Variants in KIAA1671 observed in about 807,000 individuals in gnomAD.
KIAA1671 encodes KIAA1671.
Under a neutral mutation model 131.2 loss-of-function variants are expected in KIAA1671, and 52 were observed. The ratio of observed to expected loss-of-function variants is 0.40; its 90% confidence interval spans 0.32 to 0.50. The LOEUF is 0.50. KIAA1671 is among the 20% of genes least tolerant of loss of function. The pLI is 0.73. For missense variants in KIAA1671, 2,360 were observed against 2,364.2 expected, an observed-to-expected ratio of 1.00 and a Z score of 0.04; for synonymous variants, 1,003 against 961.6, an observed-to-expected ratio of 1.04 and a Z score of -0.80.
chr22:25,028,133 C>A lies in KIAA1671; in HGVS notation c.134C>A (p.Ala45Asp). 6.4e-7 allele frequency: 1 copy of A among 1,551,226 alleles called. No individual in the cohort carries two copies. The highest frequency in any genetic ancestry group is 8.7e-7 in the Non-Finnish European group (1 of 1,146,752). ...QAGEASGAPP[A>D]RILEAKSPLR... ...GGCGAAGCCTCTGGGGCTCCCCCAG[C>A]CCGGATCTTGGAAGCGAAGAGCCCC... Residue 45 changes from alanine (A) to aspartate (D), a missense_variant, in exon 3 of 13, where the codon GCC becomes GAC. By Grantham distance (126) the Ala-to-Asp change is moderately radical (BLOSUM62 -2). Coordinates refer to ENST00000358431, the MANE Select transcript of KIAA1671 (RefSeq NM_001145206.2).
rs1324671566 is a variant in KIAA1671, at chr22:25,150,836, C to CTTTTTTTTTTTTTTTTT, written c.4531-19970_4531-19969insTTTTTTTTTTTTTTTTT. 1.0e-3 allele frequency among the ~76,000 whole-genome samples: 127 copies of CTTTTTTTTTTTTTTTTT among 125,910 alleles called. 5 individuals carry two copies. Among genetic ancestry groups the CTTTTTTTTTTTTTTTTT allele is most frequent in the South Asian group, 1.5e-3 (5 of 3,390 alleles). 82.6% of individuals were successfully genotyped at this position (125,910 alleles called of 152,430 possible). A position where few individuals can be genotyped will look rare whatever the true frequency, so the allele number is the denominator to read the frequency against. Reference sequence around the variant, plus strand: ...TTATGACTGTGTTCTGGGTCCTTTGCTTTTTTTTTTTTTTGAGATGGAGTC... The same window carrying CTTTTTTTTTTTTTTTTT: ...TTATGACTGTGTTCTGGGTCCTTTGCTTTTTTTTTTTTTTTTTTTTTTTTTTTTTTTGAGATGGAGTC... On this transcript the variant is annotated intron_variant, in intron 6 of 12. Coordinates refer to ENST00000358431, the MANE Select transcript of KIAA1671 (RefSeq NM_001145206.2).
chr22:25,098,259 G>C (rs5760849), intron 6 of KIAA1671, among the ~76,000 whole-genome samples: 2 of 152,138 alleles, frequency 1.3e-5, no homozygotes, highest in Non-Finnish European at 2.9e-5. Flanking sequence ...GGGCAGGGAA[G>C]AGAAGGCAAA....
At chr22:25,024,000 A>C (rs1258171750) in intron 1 of KIAA1671, 2 of 152,178 alleles carry the variant, frequency 1.3e-5, no homozygotes, top group South Asian at 2.1e-4. Context: ...TTGATTTATT[A>C]ATTCATTCAT....
At chr22:24,972,387 A>G (rs1469655723) in intron 1 of KIAA1671, among the ~76,000 whole-genome samples, 1 of 152,080 alleles carries the variant, frequency 6.6e-6, no homozygotes. Context: ...GCTGCTTTCC[A>G]TCCATTCTTC....
chr22:25,029,429 T>C lies in KIAA1671; in HGVS notation c.1430T>C (p.Val477Ala). Residue 477 changes from valine to alanine, a missense_variant, in exon 3 of 13, where the codon GTG becomes GCG. Physicochemically the swap from Val to Ala is moderately conservative, Grantham distance 64. Coordinates refer to ENST00000358431, the MANE Select transcript of KIAA1671 (RefSeq NM_001145206.2). ...GCACCAGAGCCGGAGAAAGGGGTTG[T>C]GAGCGTTCAGGAACGGATCAGAGGC... is the stretch of plus-strand genomic sequence containing the variant. ...SAAPEPEKGV[V>A]SVQERIRGWT... The C allele has an allele frequency of 1.9e-6, 3 of 1,551,438 alleles. No individual in the cohort carries two copies. Among genetic ancestry groups the C allele is most frequent in the East Asian group, 2.4e-5 (1 of 40,918 alleles).
intron 1 of KIAA1671, chr22:25,023,960 CA>C (rs1925805483): frequency 1.4e-4 from 21 of 151,818 alleles, no homozygotes; most frequent in African/African-American, 5.1e-4. Flanking sequence ...AAAAAAATCC[CA>C]AAAAACTCCT....
intron 1 of KIAA1671, among the ~76,000 whole-genome samples, chr22:25,002,702 C>T (rs1354958006): frequency 6.6e-6 from 1 of 152,116 alleles, no homozygotes; most frequent in African/African-American, 2.4e-5. Flanking sequence ...GCTGCTGAAC[C>T]CTCCCTGAGA....
At chr22:25,115,616 A>G (rs951672773) in intron 6 of KIAA1671, among the ~76,000 whole-genome samples, 1 of 152,092 alleles carries the variant, frequency 6.6e-6, no homozygotes, top group Non-Finnish European at 1.5e-5. Flanking sequence ...TGTGAGTCCT[A>G]CCTTCCTAGA....
chr22:25,093,812 GTCTCTC>G (rs1930231357), intron 6 of KIAA1671, among the ~76,000 whole-genome samples: 1 of 31,008 alleles, frequency 3.2e-5, no homozygotes, highest in Admixed American at 3.1e-4. Context: ...CTCTCTCTCT[GTCTCTC>G]TCTCTTTCTC....
Position 25,150,836 on chromosome 22 carries a change from C to CTTTTTTTT in KIAA1671, c.4531-19977_4531-19970dup, listed in dbSNP as rs1324671566. Among the ~76,000 whole-genome samples, 287 of 125,926 alleles carry CTTTTTTTT rather than the reference C, an allele frequency of 2.3e-3. 9 individuals carry two copies. The highest frequency in any genetic ancestry group is 8.3e-3 in the African/African-American group (270 of 32,670). The allele number at this position is 125,926 out of a possible 152,430, so 82.6% of individuals were successfully genotyped here. A position where few individuals can be genotyped will look rare whatever the true frequency, so the allele number is the denominator to read the frequency against. On this transcript the variant is annotated intron_variant, in intron 6 of 12. Transcript: ENST00000358431. ...TTATGACTGTGTTCTGGGTCCTTTG[C>CTTTTTTTT]TTTTTTTTTTTTTTGAGATGGAGTC...
chr22:25,086,698 G>C (rs943330333), intron 6 of KIAA1671, among the ~76,000 whole-genome samples: 6 of 152,110 alleles, frequency 3.9e-5, no homozygotes, highest in African/African-American at 1.2e-4. Context: ...TGCACAGGTG[G>C]ACAGGAAATC....
At chr22:24,965,632 C>T (rs1315971160) in intron 1 of KIAA1671, among the ~76,000 whole-genome samples, 2 of 150,056 alleles carry the variant, frequency 1.3e-5, no homozygotes, top group African/African-American at 4.9e-5. Flanking sequence ...CCCAGCTACT[C>T]GGGAGGCTGA....
chr22:25,165,517 G>A (rs925181910), intron 6 of KIAA1671, among the ~76,000 whole-genome samples: 33 of 152,244 alleles, frequency 2.2e-4, no homozygotes, highest in African/African-American at 7.7e-4. Flanking sequence ...TATTCTCCAT[G>A]CTGTTCAGCA....
intron 1 of KIAA1671, among the ~76,000 whole-genome samples, chr22:24,958,946 A>G (rs1318708070): frequency 2.0e-5 from 3 of 149,148 alleles, no homozygotes; most frequent in Non-Finnish European, 4.4e-5. Flanking sequence ...GTGCCACTGC[A>G]CTCCAGCCTG....
chr22:25,161,666 C>G (rs1933448554), intron 6 of KIAA1671, among the ~76,000 whole-genome samples: 1 of 152,198 alleles, frequency 6.6e-6, no homozygotes, highest in Non-Finnish European at 1.5e-5. Context: ...CCTTGCTGGA[C>G]CTTCTGAAAA....
rs532887442 is a variant in KIAA1671 at position 24,977,714 on chromosome 22, C to T, written c.-208+24942C>T. ...AAGCCTAGAGAGGGCAGGGCCTTGGCCTACGTCACCCTGCAAGTGGAGACA... is the reference window on the plus strand; with the variant it reads ...AAGCCTAGAGAGGGCAGGGCCTTGGTCTACGTCACCCTGCAAGTGGAGACA... On this transcript the variant is annotated intron_variant, in intron 1 of 12. Transcript: ENST00000358431. Among the ~76,000 whole-genome samples the T allele has an allele frequency of 2.6e-5, 4 of 152,328 alleles. No homozygotes were observed. The East Asian group carries it at 7.7e-4, about 29-fold the overall frequency.
At chr22:25,049,486 G>A in intron 6 of KIAA1671, 122 bp downstream of exon 6, 2 of 1,141,986 alleles carry the variant, frequency 1.8e-6, no homozygotes, top group East Asian at 2.6e-5. Flanking sequence ...AGGGCAGCAG[G>A]CAACTGTCCA....
Position 25,039,582 on chromosome 22 carries a change from C to T in KIAA1671, c.2452C>T (p.Pro818Ser). ...ASGPKFGGNC[P>S]FPKWTGGAVV... ...TGGACCGAAGTTTGGGGGCAATTGC[C>T]CGTTTCCCAAATGGACAGGCGGGGC... Residue 818 changes from proline to serine, a missense_variant, in exon 5 of 13, where the codon CCG becomes TCG. Coordinates refer to ENST00000358431, the MANE Select transcript of KIAA1671 (RefSeq NM_001145206.2). 1.3e-6 allele frequency: 2 copies of T among 1,551,756 alleles called. No homozygotes were observed.
intron 1 of KIAA1671, among the ~76,000 whole-genome samples, chr22:25,020,946 G>A (rs982173105): frequency 1.3e-5 from 2 of 152,276 alleles, no homozygotes; most frequent in Admixed American, 6.5e-5. Context: ...AGGGAGACAC[G>A]GGGGCGTTAA....
Sources: allele counts gnomAD v4.1 joint callset (sites outside exome capture counted in the v4.1 genomes callset), GRCh38; gene constraint gnomAD v4.1.1; transcripts MANE v1.5; gene names NCBI Gene and HGNC (gene_info 2026-07-23, HGNC 2026-07-21).